Variants in SPON1 observed in about 807,000 individuals in gnomAD.
SPON1 encodes the protein spondin 1.
A neutral mutation model predicts 111.7 loss-of-function variants in SPON1; 52 were observed. The observed-to-expected ratio is 0.47, with a 90% CI of 0.37 to 0.59. SPON1 has a LOEUF of 0.59. Ranked by LOEUF, SPON1 falls within the 20% of genes least tolerant of loss-of-function variation. SPON1 has a pLI of 0.00. For missense variants in SPON1, 957 were observed against 1,068.5 expected, an observed-to-expected ratio of 0.90 and a Z score of 1.46; for synonymous variants, 410 against 395.8, an observed-to-expected ratio of 1.04 and a Z score of -0.43.
chr11:14,130,788 A>G (rs1847519232), intron 5 of SPON1, among the ~76,000 whole-genome samples: 1 of 151,608 alleles, frequency 6.6e-6, no homozygotes, highest in Non-Finnish European at 1.5e-5. Context: ...ACTTTTCCCA[A>G]TCTTTTACAG....
Position 14,007,720 on chromosome 11 carries a change from G to A in SPON1, c.345+24767G>A, listed in dbSNP as rs192915810. 7.2e-5 allele frequency among the ~76,000 whole-genome samples: 11 copies of A among 152,120 alleles called. No homozygotes were observed. In the South Asian group the frequency reaches 1.0e-3, roughly 14 times the overall value. On this transcript the variant is annotated intron_variant, in intron 2 of 15. Coordinates refer to ENST00000576479, the MANE Select transcript of SPON1 (RefSeq NM_006108.4). ...TCAGGCGGTAATGCTGGCTCACCCC[G>A]ATCTCCTGCTGTGTGGCCCAGCTCC...
At chr11:14,224,737 A>G (rs1554937955) in intron 6 of SPON1, 1 of 505,500 alleles carries the variant, frequency 2.0e-6, no homozygotes, top group Non-Finnish European at 3.9e-6. Flanking sequence ...GATACACATA[A>G]GGGTGAAAGA....
chr11:14,013,544 G>C (rs1848421549), intron 2 of SPON1, among the ~76,000 whole-genome samples: 2 of 152,144 alleles, frequency 1.3e-5, no homozygotes, highest in Admixed American at 1.3e-4. Flanking sequence ...GGCTGCAATT[G>C]CCTGAAGTCC....
In SPON1 at chr11:14,267,310, G is replaced by A. The variant is rs1393098217; in HGVS notation, c.*1623G>A. 2 of 152,096 alleles carry A rather than the reference G, an allele frequency of 1.3e-5. No homozygotes were observed. The highest frequency in any genetic ancestry group is 3.8e-4 in the East Asian group (2 of 5,200). The allele number at this position is 152,096 out of a possible 1,614,324, so 9.4% of individuals were successfully genotyped here. A position where few individuals can be genotyped will look rare whatever the true frequency, so the allele number is the denominator to read the frequency against. On this transcript the variant is annotated 3_prime_UTR_variant, in exon 16 of 16. Coordinates refer to ENST00000576479, the MANE Select transcript of SPON1 (RefSeq NM_006108.4). ...TAAAAGATAGGGCTTTTGCTCCCTT[G>A]TTCTTGGAGGGACCATTATTACATC...
chr11:14,130,287 CAAAG>C (rs1398120134), intron 5 of SPON1, among the ~76,000 whole-genome samples: 3 of 152,048 alleles, frequency 2.0e-5, no homozygotes, highest in East Asian at 3.9e-4. Flanking sequence ...ACTCTGGAAA[CAAAG>C]AAATTAGATG....
At chr11:14,190,800 C>G (rs950761547) in intron 6 of SPON1, among the ~76,000 whole-genome samples, 4 of 151,828 alleles carry the variant, frequency 2.6e-5, no homozygotes, top group African/African-American at 9.7e-5. Flanking sequence ...GCCACCGTGC[C>G]CAGCTGATTT....
intron 3 of SPON1, among the ~76,000 whole-genome samples, chr11:14,055,612 G>A (rs1848739355): frequency 6.6e-6 from 1 of 152,228 alleles, no homozygotes; most frequent in South Asian, 2.1e-4. Flanking sequence ...ACTGGCTGTT[G>A]CTTGTTGCTT....
intron 7 of SPON1, among the ~76,000 whole-genome samples, chr11:14,252,077 T>C (rs1849059030): frequency 6.6e-6 from 1 of 152,206 alleles, no homozygotes; most frequent in South Asian, 2.1e-4. Context: ...TTGCCCAAGA[T>C]CTAAAGCTAG....
rs1204379442 is a variant in SPON1, at chr11:14,044,877, A to G, written c.479+3223A>G. ...TGTCTGGGTCAGTACATACAAAGCT[A>G]CCTCTTTTTGTTTTTTAACTGCTGC... On this transcript the variant is annotated intron_variant, in intron 3 of 15. Coordinates refer to ENST00000576479, the MANE Select transcript of SPON1 (RefSeq NM_006108.4). Among the ~76,000 whole-genome samples the G allele has an allele frequency of 1.1e-4, 17 of 152,110 alleles. 1 individual carries two copies. Among genetic ancestry groups the G allele is most frequent in the Non-Finnish European group, 1.9e-4 (13 of 68,022 alleles).
At chr11:14,255,973 A>T (rs1484434840) in intron 9 of SPON1, among the ~76,000 whole-genome samples, 186 bp downstream of exon 9, 1 of 152,228 alleles carries the variant, frequency 6.6e-6, no homozygotes, top group African/African-American at 2.4e-5. Context: ...CAGGCCAGGC[A>T]CTGTAGCCCA....
At chr11:14,042,171 G>A (rs1848635995) in intron 3 of SPON1, among the ~76,000 whole-genome samples, 2 of 152,090 alleles carry the variant, frequency 1.3e-5, no homozygotes, top group African/African-American at 4.8e-5. Flanking sequence ...TATAATAGGT[G>A]ATAAAAGGTA....
intron 5 of SPON1, among the ~76,000 whole-genome samples, chr11:14,110,739 C>T (rs75271430): frequency 0.02 from 2,999 of 152,328 alleles, 100 homozygotes; most frequent in African/African-American, 0.068. Flanking sequence ...GAGTCTTCCT[C>T]TCCCAGTCCA....
chr11:14,195,182 A>G (rs904379322), intron 6 of SPON1, among the ~76,000 whole-genome samples: 60 of 152,214 alleles, frequency 3.9e-4, no homozygotes, highest in African/African-American at 1.3e-3. Context: ...TTTCTTTTCA[A>G]CTTCTAAATT....
intron 6 of SPON1, among the ~76,000 whole-genome samples, chr11:14,164,800 T>C (rs1478816238): frequency 6.6e-6 from 1 of 152,058 alleles, no homozygotes; most frequent in Non-Finnish European, 1.5e-5. Flanking sequence ...GGGAAGCTAG[T>C]GAGCCAGGAG....
chr11:14,254,862 C>T (rs909504807), intron 8 of SPON1, 133 bp downstream of exon 8: 30 of 827,364 alleles, frequency 3.6e-5, no homozygotes, highest in South Asian at 3.2e-4. Flanking sequence ...CTGGCATGGT[C>T]GCATCATCAC....
intron 3 of SPON1, among the ~76,000 whole-genome samples, chr11:14,057,289 A>C (rs1848752089): frequency 6.6e-6 from 1 of 152,254 alleles, no homozygotes; most frequent in South Asian, 2.1e-4. Flanking sequence ...CTAGAGATGC[A>C]TAACCTGAAT....
chr11:14,266,251 T>C lies in SPON1; in HGVS notation c.*564T>C, dbSNP rs1486158280. On this transcript the variant is annotated 3_prime_UTR_variant, in exon 16 of 16. Coordinates refer to ENST00000576479, the MANE Select transcript of SPON1 (RefSeq NM_006108.4). ...GAGGAGCATTGATGTTGGGTGGCTT[T>C]TGTTCTTTCACTGAGAAATTCGGAA... The C allele has an allele frequency of 6.6e-6, 1 of 152,194 alleles. No individual in the cohort carries two copies. Among genetic ancestry groups the C allele is most frequent in the African/African-American group, 2.4e-5 (1 of 41,430 alleles). The allele number at this position is 152,194 out of a possible 1,614,324, so 9.4% of individuals were successfully genotyped here.
intron 6 of SPON1, among the ~76,000 whole-genome samples, chr11:14,173,051 T>G (rs1372957494): frequency 3.3e-5 from 5 of 151,940 alleles, no homozygotes; most frequent in Non-Finnish European, 5.9e-5. Context: ...CCTCGCTAGA[T>G]TGGGGAAGTT....
rs570932838 is a variant in SPON1 at position 14,261,815 on chromosome 11, G to C, written c.1997-897G>C. Among the ~76,000 whole-genome samples, 4 of 152,226 alleles carry C rather than the reference G, an allele frequency of 2.6e-5. No individual in the cohort carries two copies. In the South Asian group the frequency reaches 8.3e-4, roughly 32 times the overall value. Reference sequence around the variant, plus strand: ...AAATTTATGGAGCACTTACAGGGCTGGGAGCATCTCATTTAATCCTTACAA... The same window carrying C: ...AAATTTATGGAGCACTTACAGGGCTCGGAGCATCTCATTTAATCCTTACAA... On this transcript the variant is annotated intron_variant, in intron 14 of 15. Transcript: ENST00000576479.
Sources: allele counts gnomAD v4.1 joint callset (sites outside exome capture counted in the v4.1 genomes callset), GRCh38; gene constraint gnomAD v4.1.1; transcripts MANE v1.5; gene names NCBI Gene and HGNC (gene_info 2026-07-23, HGNC 2026-07-21).